Variants in FAM107A observed in about 807,000 individuals in gnomAD.
The protein encoded by FAM107A is actin-associated protein FAM107A.
Under a neutral mutation model 13.7 loss-of-function variants are expected in FAM107A, and 19 were observed. The ratio of observed to expected loss-of-function variants is 1.38; its 90% CI spans 0.97 to 2.03. FAM107A has a LOEUF of 2.03. Among genes scored for constraint, FAM107A ranks in the 30% most tolerant of loss-of-function variants. FAM107A has a pLI of 0.00. For missense variants in FAM107A, 203 were observed against 184.4 expected, an observed-to-expected ratio of 1.10 and a Z score of -0.58; for synonymous variants, 82 against 74.5, an observed-to-expected ratio of 1.10 and a Z score of -0.52.
At position 58,577,355 on chromosome 3, in the gene FAM107A, G is replaced by C. The variant is rs1436090906; in HGVS notation, c.-52C>G. 1.5e-5 allele frequency: 15 copies of C among 985,306 alleles called. No individual in the cohort carries two copies. The highest frequency in any genetic ancestry group is 1.7e-5 in the African/African-American group (1 of 57,230). The allele number at this position is 985,306 out of a possible 1,614,324, so 61.0% of individuals were successfully genotyped here. On this transcript the variant is annotated 5_prime_UTR_variant, in exon 1 of 4. Transcript: ENST00000360997. This position sits in a 1 kb window ranked among gnomAD's most constrained non-coding sequence, Gnocchi z 4.9. ...AAGGGAAGTCAGGAGCGTGTTGCTGGGTTCCTCACTCCACCGGGAAGTCCC... is the reference window on the plus strand; with the variant it reads ...AAGGGAAGTCAGGAGCGTGTTGCTGCGTTCCTCACTCCACCGGGAAGTCCC...
upstream of FAM107A, among the ~76,000 whole-genome samples, chr3:58,581,012 C>T (rs969732038): frequency 3.9e-5 from 6 of 152,204 alleles, no homozygotes; most frequent in East Asian, 1.2e-3. Context: ...AACAAACAAG[C>T]CTTTGAGGCG....
At position 58,585,927 on chromosome 3, in the gene FAM107A, C is replaced by A. The variant is rs1227039362; in HGVS notation, c.79+931G>T. 3.3e-5 allele frequency among the ~76,000 whole-genome samples: 5 copies of A among 152,308 alleles called. No homozygotes were observed. The East Asian group carries it at 9.6e-4, about 29-fold the overall frequency. On this transcript the variant is annotated intron_variant, in intron 1 of 3. Transcript: ENST00000447756. ...TTATTTCCTGAATAGAAAAGAAACA[C>A]GTGCTTACTGCAAACAAGCAAACAA...
upstream of FAM107A, chr3:58,587,118 G>C (rs1028485191): frequency 1.3e-5 from 18 of 1,371,350 alleles, no homozygotes; most frequent in East Asian, 6.0e-5. Context: ...GGGGAAGGAG[G>C]GGGGCAGGGG....
chr3:58,622,952 C>A (rs2065971078), intron 1 of FAM107A, among the ~76,000 whole-genome samples: 1 of 152,190 alleles, frequency 6.6e-6, no homozygotes, highest in Admixed American at 6.5e-5. Context: ...GAGAAGCCGT[C>A]TGAGGCGGTG....
chr3:58,604,527 G>C lies in FAM107A; in HGVS notation c.-69-15258C>G, dbSNP rs1015849516. Reference sequence around the variant, plus strand: ...TGAGTTAGTGGCAGGGTCATAACTTGTTTCTCTCATTGTTGCACGTGACAG... The same window carrying C: ...TGAGTTAGTGGCAGGGTCATAACTTCTTTCTCTCATTGTTGCACGTGACAG... On this transcript the variant is annotated intron_variant, in intron 1 of 3. Transcript: ENST00000465970. This position sits in a 1 kb window ranked among gnomAD's most constrained non-coding sequence, Gnocchi z 4.1. Among the ~76,000 whole-genome samples, 3 of 152,142 alleles carry C rather than the reference G, an allele frequency of 2.0e-5. No individual in the cohort carries two copies. Among genetic ancestry groups the C allele is most frequent in the Non-Finnish European group, 4.4e-5 (3 of 68,030 alleles).
exon 1 of FAM107A, chr3:58,587,070 C>A: frequency 7.4e-7 from 1 of 1,358,600 alleles, no homozygotes; most frequent in Non-Finnish European, 9.4e-7. Flanking sequence ...GGTCAAGTTA[C>A]GGCGGCGGCC....
intron 1 of FAM107A, among the ~76,000 whole-genome samples, chr3:58,576,804 ACT>A (rs1392751307): frequency 6.6e-6 from 1 of 152,232 alleles, no homozygotes; most frequent in Non-Finnish European, 1.5e-5. Context: ...CTTACGACAG[ACT>A]GAAGAGGTGG....
chr3:58,586,948 T>G (rs751461585), exon 1 of FAM107A: 1 of 1,524,548 alleles, frequency 6.6e-7, no homozygotes, highest in South Asian at 1.2e-5. Flanking sequence ...CCCCCGCGCC[T>G]CCTACTGCAG....
chr3:58,590,036 C>T (rs544079764), upstream of FAM107A, among the ~76,000 whole-genome samples: 2 of 152,366 alleles, frequency 1.3e-5, no homozygotes, highest in East Asian at 3.9e-4. Flanking sequence ...TCTCTTTACA[C>T]TCTCAGAGCT....
At chr3:58,597,769 A>G (rs1004583452) in intron 1 of FAM107A, among the ~76,000 whole-genome samples, 1 of 152,210 alleles carries the variant, frequency 6.6e-6, no homozygotes, top group Admixed American at 6.5e-5. Flanking sequence ...CTTGTTTTAC[A>G]GATGAGGAAG....
intron 1 of FAM107A, among the ~76,000 whole-genome samples, chr3:58,623,078 C>T (rs1376790209): frequency 2.0e-5 from 3 of 152,282 alleles, no homozygotes; most frequent in African/African-American, 7.2e-5. Flanking sequence ...CGGCCCTGAG[C>T]ACCAGGCAGG....
chr3:58,620,497 C>T (rs950103247), intron 1 of FAM107A, among the ~76,000 whole-genome samples: 2 of 152,250 alleles, frequency 1.3e-5, no homozygotes, highest in Admixed American at 1.3e-4. Context: ...CTCGGCTGAG[C>T]CGGTATCTTT....
intron 3 of FAM107A, 51 bp downstream of exon 3, chr3:58,567,157 G>A: frequency 1.2e-6 from 2 of 1,607,948 alleles, no homozygotes; most frequent in Non-Finnish European, 1.7e-6. Flanking sequence ...GCTCCTCCCT[G>A]GAGGACAGCC....
At position 58,617,746 on chromosome 3, in the gene FAM107A, T is replaced by G. The variant is rs1278486156; in HGVS notation, c.-70+9670A>C. On this transcript the variant is annotated intron_variant, in intron 1 of 3. Transcript: ENST00000465970. This position sits in a 1 kb window ranked among gnomAD's most constrained non-coding sequence, Gnocchi z 4.5. ...AATTCTCCTGAACTTTAGGCCCCTC[T>G]TCAGTGCTACTCCCAGGGGAGTGGA... Among the ~76,000 whole-genome samples, 1 of 152,186 alleles carries G rather than the reference T, an allele frequency of 6.6e-6. No homozygotes were observed. Among genetic ancestry groups the G allele is most frequent in the Non-Finnish European group, 1.5e-5 (1 of 68,030 alleles).
chr3:58,570,356 CA>C, intron 1 of FAM107A: 1 of 982,980 alleles, frequency 1.0e-6, no homozygotes, highest in South Asian at 4.7e-5. Flanking sequence ...CACAGTTCCA[CA>C]ACTGTTCAGC....
chr3:58,616,200 G>A (rs1411068083), intron 1 of FAM107A, among the ~76,000 whole-genome samples: 2 of 152,088 alleles, frequency 1.3e-5, no homozygotes. Flanking sequence ...TTTGCCATAT[G>A]GGAACGCACT....
chr3:58,575,804 G>T (rs2063725940), intron 1 of FAM107A, among the ~76,000 whole-genome samples: 1 of 152,208 alleles, frequency 6.6e-6, no homozygotes, highest in African/African-American at 2.4e-5. Flanking sequence ...GCAGCTTTGG[G>T]CTTAAGCTAG....
chr3:58,591,078 C>T (rs926714514), upstream of FAM107A, among the ~76,000 whole-genome samples: 6 of 152,160 alleles, frequency 3.9e-5, no homozygotes, highest in Admixed American at 3.3e-4. The surrounding 1 kb of genome is among the most constrained non-coding windows in gnomAD (Gnocchi z 4.3). Context: ...CCTCAGTGAA[C>T]ACAACAAAGG....
intron 2 of FAM107A, among the ~76,000 whole-genome samples, chr3:58,568,715 A>G (rs910569667): frequency 2.6e-5 from 4 of 152,226 alleles, no homozygotes; most frequent in Non-Finnish European, 5.9e-5. Flanking sequence ...AACTGAAAAC[A>G]AGAATAGAAA....
Sources: allele counts gnomAD v4.1 joint callset (sites outside exome capture counted in the v4.1 genomes callset), GRCh38; gene constraint gnomAD v4.1.1; non-coding constraint Gnocchi (gnomAD v3.1); transcripts MANE v1.5; gene names NCBI Gene and HGNC (gene_info 2026-07-23, HGNC 2026-07-21).